The following EXD3 variants were observed in gnomAD, a reference collection of about 807,000 sequenced individuals.
The protein encoded by EXD3 is exonuclease mut-7 homolog.
In EXD3, 92 loss-of-function variants were observed where a neutral mutation model predicts 98.0. That is an observed-to-expected ratio of 0.94 (90% CI 0.79 to 1.12). EXD3 has a LOEUF of 1.12. Ranked by LOEUF, EXD3 falls within the 50% of genes most tolerant of loss-of-function variation. The pLI, the probability that EXD3 is intolerant of heterozygous loss-of-function variation, is 0.00. For synonymous variants in EXD3, 569 were observed against 526.0 expected, an observed-to-expected ratio of 1.08 and a Z score of -1.12; for missense variants, 1,222 against 1,191.6, an observed-to-expected ratio of 1.03 and a Z score of -0.38.
rs561335739 is a variant in EXD3, at chr9:137,357,816, C to T, written c.657-1448G>A. Among the ~76,000 whole-genome samples, 6 of 151,804 alleles carry T rather than the reference C, an allele frequency of 4.0e-5. No individual in the cohort carries two copies. In the South Asian group the frequency reaches 1.0e-3, roughly 26 times the overall value. ...ACAGGGTCCCACAATAGGCCATGTG[C>T]AAGCTGAGGAGCACAGAGAGCCAGC... On this transcript the variant is annotated intron_variant, in intron 7 of 21. Transcript: ENST00000340951.
At chr9:137,355,142 G>A (rs1588333709) in intron 8 of EXD3, among the ~76,000 whole-genome samples, 1 of 152,292 alleles carries the variant, frequency 6.6e-6, no homozygotes, top group African/African-American at 2.4e-5. Context: ...TGCTCACTGT[G>A]GGTCCCGTGA....
intron 20 of EXD3, among the ~76,000 whole-genome samples, chr9:137,309,211 G>A (rs1831228365): frequency 6.6e-6 from 1 of 152,232 alleles, no homozygotes; most frequent in Non-Finnish European, 1.5e-5. Context: ...GAAACAGGCT[G>A]GGGCCTTCCC....
intron 3 of EXD3, 60 bp from the exon 4 acceptor site, chr9:137,373,659 C>A: frequency 1.3e-6 from 2 of 1,498,796 alleles, no homozygotes; most frequent in Non-Finnish European, 1.8e-6. Context: ...CCTGGCAAGG[C>A]CTCCCCACCG....
At position 137,352,701 on chromosome 9, in the gene EXD3, C is replaced by T. The variant is rs527383339; in HGVS notation, c.956G>A (p.Cys319Tyr). 1.7e-5 allele frequency: 27 copies of T among 1,564,424 alleles called. No homozygotes were observed. The East Asian group carries it at 6.4e-4, about 37-fold the overall frequency. The change falls in exon 11 of 22, where the codon TGT becomes TAT. Residue 319 changes from cysteine to tyrosine, a missense_variant. Coordinates refer to ENST00000340951, the MANE Select transcript of EXD3 (RefSeq NM_017820.5). ...CTCGGGCAGCAAGAGTTCCATGGCACACTGGGCGGCCGTGACTGGGTCACT... is the reference window on the plus strand; with the variant it reads ...CTCGGGCAGCAAGAGTTCCATGGCATACTGGGCGGCCGTGACTGGGTCACT... ...SHSDPVTAAQ[C>Y]AMELLLPEER...
intron 7 of EXD3, chr9:137,365,866 GAT>G (rs1262547205): frequency 2.9e-6 from 1 of 348,092 alleles, no homozygotes; most frequent in Non-Finnish European, 5.5e-6. Flanking sequence ...TGCACACACA[GAT>G]ATACATGCAC....
intron 7 of EXD3, among the ~76,000 whole-genome samples, chr9:137,363,676 C>T (rs1835094776): frequency 6.6e-6 from 1 of 152,228 alleles, no homozygotes; most frequent in Non-Finnish European, 1.5e-5. Flanking sequence ...GAAAACTTCA[C>T]TACTGAAACC....
chr9:137,392,685 G>C (rs1372261513), intron 2 of EXD3: 7 of 345,968 alleles, frequency 2.0e-5, no homozygotes, highest in East Asian at 7.4e-5. Context: ...CTGTTCCAGG[G>C]GGTGCTGTGT....
chr9:137,389,088 T>C (rs1289237379), intron 2 of EXD3, among the ~76,000 whole-genome samples: 1 of 152,132 alleles, frequency 6.6e-6, no homozygotes, highest in African/African-American at 2.4e-5. Context: ...CTGGTGGCCT[T>C]CTGGCGTCCG....
Position 137,349,645 on chromosome 9 carries a change from C to T in EXD3, c.1495-114G>A. ...CTGGAGGAGGCCCCGCCCCCTCCACCAGCGGCCCCCACAGCAGAGACGGGG... is the reference window on the plus strand; with the variant it reads ...CTGGAGGAGGCCCCGCCCCCTCCACTAGCGGCCCCCACAGCAGAGACGGGG... On this transcript the variant is annotated intron_variant, in intron 14 of 21. Transcript: ENST00000340951. This position sits in a 1 kb window ranked among gnomAD's most constrained non-coding sequence, Gnocchi z 7.4. The T allele has an allele frequency of 9.0e-7, 1 of 1,113,574 alleles. No individual in the cohort carries two copies. The highest frequency in any genetic ancestry group is 1.2e-6 in the Non-Finnish European group (1 of 822,032). 69.0% of individuals were successfully genotyped at this position (1,113,574 alleles called of 1,614,324 possible). A position where few individuals can be genotyped will look rare whatever the true frequency, so the allele number is the denominator to read the frequency against.
At chr9:137,396,152 G>A (rs1310567558) in intron 1 of EXD3, among the ~76,000 whole-genome samples, 4 of 151,978 alleles carry the variant, frequency 2.6e-5, no homozygotes, top group Non-Finnish European at 5.9e-5. Context: ...ATTTTTAGTG[G>A]AGATGGGGTT....
intron 5 of EXD3, among the ~76,000 whole-genome samples, chr9:137,372,514 T>C (rs1286832048): frequency 6.6e-6 from 1 of 152,226 alleles, no homozygotes; most frequent in Non-Finnish European, 1.5e-5. Flanking sequence ...AAGGACAGCC[T>C]ACTGGCTGAT....
intron 1 of EXD3, among the ~76,000 whole-genome samples, chr9:137,413,720 C>A (rs1838107920): frequency 6.6e-6 from 1 of 151,570 alleles, no homozygotes; most frequent in Admixed American, 6.6e-5. Context: ...CCAGGCTGGT[C>A]TTGAACTCCT....
chr9:137,407,423 G>C lies in EXD3; in HGVS notation c.-47-12019C>G, dbSNP rs931202894. Among the ~76,000 whole-genome samples, 1 of 152,240 alleles carries C rather than the reference G, an allele frequency of 6.6e-6. No individual in the cohort carries two copies. On this transcript the variant is annotated intron_variant, in intron 1 of 21. Transcript: ENST00000340951. The surrounding 1 kb of genome is among the most constrained non-coding windows in gnomAD (Gnocchi z 4.4). ...GCCCCCAAGGGGCCATCTGCCCCCG[G>C]CTCACCGCAGGCCCTTTCCTGGGGG...
At chr9:137,313,466 C>T (rs1831470805) in intron 19 of EXD3, among the ~76,000 whole-genome samples, 1 of 152,160 alleles carries the variant, frequency 6.6e-6, no homozygotes, top group South Asian at 2.1e-4. Flanking sequence ...GGTTTCTGCT[C>T]TGTGCCCAAG....
At chr9:137,326,127 C>T (rs959596352) in intron 17 of EXD3, among the ~76,000 whole-genome samples, 1 of 151,604 alleles carries the variant, frequency 6.6e-6, no homozygotes, top group African/African-American at 2.4e-5. Flanking sequence ...GGGAACACTT[C>T]CTGGCGCTGT....
chr9:137,381,545 G>A (rs566110478), intron 3 of EXD3, among the ~76,000 whole-genome samples: 38 of 147,644 alleles, frequency 2.6e-4, no homozygotes, highest in African/African-American at 7.0e-4. Flanking sequence ...CCCTCACCCC[G>A]CCCCAGCCCT....
At chr9:137,399,112 A>T (rs1221405682) in intron 1 of EXD3, among the ~76,000 whole-genome samples, 149 of 152,362 alleles carry the variant, frequency 9.8e-4, no homozygotes, top group African/African-American at 3.5e-3. Flanking sequence ...CTCCACTGGA[A>T]GCCTGGCTGT....
At chr9:137,357,709 C>T (rs1055226085) in intron 7 of EXD3, among the ~76,000 whole-genome samples, 30 of 143,356 alleles carry the variant, frequency 2.1e-4, no homozygotes, top group Admixed American at 1.7e-3. Context: ...GATATATATA[C>T]ATATATATAT....
Position 137,405,244 on chromosome 9 carries a change from C to A in EXD3, c.-47-9840G>T, listed in dbSNP as rs1031469212. ...GTCCGGCACAGTGGGCTCTGACCCA[C>A]AGAGGGCTGGGCCAGCACCCCCGGG... On this transcript the variant is annotated intron_variant, in intron 1 of 21. Transcript: ENST00000340951. The surrounding 1 kb of genome is among the most constrained non-coding windows in gnomAD (Gnocchi z 4.1). 2.0e-5 allele frequency among the ~76,000 whole-genome samples: 3 copies of A among 152,220 alleles called. No homozygotes were observed. The highest frequency in any genetic ancestry group is 2.9e-5 in the Non-Finnish European group (2 of 68,022).
Sources: allele counts gnomAD v4.1 joint callset (sites outside exome capture counted in the v4.1 genomes callset), GRCh38; gene constraint gnomAD v4.1.1; non-coding constraint Gnocchi (gnomAD v3.1); transcripts MANE v1.5; gene names NCBI Gene and HGNC (gene_info 2026-07-23, HGNC 2026-07-21).